The following PAMR1 variants were observed in gnomAD, a reference collection of about 807,000 sequenced individuals.
The protein encoded by PAMR1 is inactive serine protease PAMR1.
Under a neutral mutation model 81.8 loss-of-function variants are expected in PAMR1, and 88 were observed. The observed-to-expected ratio is 1.08, with a 90% CI of 0.91 to 1.28. The LOEUF is 1.28. Ranked by LOEUF, PAMR1 falls within the 50% of genes most tolerant of loss-of-function variation. The pLI is 0.00. For synonymous variants in PAMR1, 336 were observed against 345.3 expected (o/e 0.97, Z 0.30); for missense variants, 935 against 919.7 (o/e 1.02, Z -0.21).
intron 6 of PAMR1, chr11:35,452,017 G>C (rs1373507138): frequency 5.8e-6 from 3 of 514,276 alleles, no homozygotes; most frequent in Non-Finnish European, 1.0e-5. Context: ...GACTAAGACA[G>C]AAGGCAAGAC....
chr11:35,500,026 GAGGC>G (rs1850801509), intron 1 of PAMR1, among the ~76,000 whole-genome samples: 1 of 152,218 alleles, frequency 6.6e-6, no homozygotes, highest in Non-Finnish European at 1.5e-5. Context: ...ACAACCCAAG[GAGGC>G]AGGCAGGCAA....
chr11:35,529,750 A>G (rs1443723311), upstream of PAMR1, among the ~76,000 whole-genome samples: 2 of 152,242 alleles, frequency 1.3e-5, no homozygotes, highest in Non-Finnish European at 2.9e-5. Context: ...AATAAATCAC[A>G]AGAAAGGCTG....
At chr11:35,439,563 A>G in intron 8 of PAMR1, 64 bp downstream of exon 8, 5 of 1,292,640 alleles carry the variant, frequency 3.9e-6, no homozygotes, top group Non-Finnish European at 5.6e-6. Flanking sequence ...ACAAGTGGGG[A>G]AGGGGAATGG....
intron 1 of PAMR1, among the ~76,000 whole-genome samples, chr11:35,494,893 G>A (rs1414596805): frequency 6.6e-6 from 1 of 152,188 alleles, no homozygotes; most frequent in African/African-American, 2.4e-5. Flanking sequence ...TAGGTGGATT[G>A]ACAATAGAAC....
At chr11:35,508,021 T>C (rs1338674411) in intron 1 of PAMR1, among the ~76,000 whole-genome samples, 1 of 152,192 alleles carries the variant, frequency 6.6e-6, no homozygotes, top group East Asian at 1.9e-4. Context: ...GAATCACCAC[T>C]CTGATTTGGT....
At chr11:35,499,680 C>A (rs2676463) in intron 1 of PAMR1, among the ~76,000 whole-genome samples, 3 of 151,970 alleles carry the variant, frequency 2.0e-5, no homozygotes, top group African/African-American at 7.3e-5. Flanking sequence ...GCCCTCTTTA[C>A]TCCATTACTG....
At chr11:35,485,552 C>T (rs1052013794) in intron 3 of PAMR1, among the ~76,000 whole-genome samples, 2 of 152,142 alleles carry the variant, frequency 1.3e-5, no homozygotes, top group African/African-American at 4.8e-5. Context: ...AGCCTCAGGC[C>T]GTTTGCCCAT....
intron 3 of PAMR1, among the ~76,000 whole-genome samples, chr11:35,486,787 C>T (rs1309843446): frequency 6.6e-6 from 1 of 152,190 alleles, no homozygotes; most frequent in Non-Finnish European, 1.5e-5. Flanking sequence ...GCTGTATTGA[C>T]TTCTTGCATG....
At position 35,436,121 on chromosome 11, in the gene PAMR1, T is replaced by G; in HGVS notation, c.1115A>C (p.His372Pro). 6.2e-7 allele frequency: 1 copy of G among 1,613,036 alleles called. No homozygotes were observed. The highest frequency in any genetic ancestry group is 8.5e-7 in the Non-Finnish European group (1 of 1,179,088). Reference sequence around the variant, plus strand: ...GCTGAAGGCCGCTGAGTATAGCTGGTGTAATGGTGTCTCCCTGGGTCAGGA... The same window carrying G: ...GCTGAAGGCCGCTGAGTATAGCTGGGGTAATGGTGTCTCCCTGGGTCAGGA... ...MQVQSRETPL[H>P]QLYSAAFSKQ... Residue 372 changes from histidine to proline, a missense_variant, in exon 9 of 11, where the codon CAC (histidine) becomes CCC (proline). Physicochemically the swap from His to Pro is moderately conservative, Grantham distance 77. Transcript: ENST00000619888.
At chr11:35,445,876 T>C (rs569123792) in intron 6 of PAMR1, among the ~76,000 whole-genome samples, 1 of 152,342 alleles carries the variant, frequency 6.6e-6, no homozygotes, top group South Asian at 2.1e-4. Flanking sequence ...TCCCTCCTTT[T>C]CCATTGTTTT....
chr11:35,505,714 TG>T (rs1850936848), intron 1 of PAMR1, among the ~76,000 whole-genome samples: 1 of 152,164 alleles, frequency 6.6e-6, no homozygotes, highest in South Asian at 2.1e-4. Context: ...GAATTTCTTT[TG>T]CCATCCCTTC....
intron 4 of PAMR1, among the ~76,000 whole-genome samples, chr11:35,473,674 G>T (rs560619173): frequency 8.5e-5 from 13 of 152,162 alleles, no homozygotes; most frequent in Non-Finnish European, 1.9e-4. Context: ...TTCTAATTCA[G>T]GGTACCATGT....
At chr11:35,529,798 G>T (rs966053978), upstream of PAMR1, 6 of 152,206 alleles carry the variant, frequency 3.9e-5, no homozygotes, top group Non-Finnish European at 7.3e-5. Context: ...GGGAGATAGG[G>T]CATGATACCT....
chr11:35,444,038 A>G (rs1289562770), intron 6 of PAMR1, among the ~76,000 whole-genome samples: 1 of 152,216 alleles, frequency 6.6e-6, no homozygotes, highest in East Asian at 1.9e-4. Context: ...TATAGCCAAG[A>G]CAATCCTAAG....
rs532511255 is a variant in PAMR1 at position 35,452,061 on chromosome 11, C to T, written c.821-10368G>A. The T allele has an allele frequency of 8.9e-6, 4 of 448,834 alleles. No homozygotes were observed. The South Asian group carries it at 2.0e-4, about 23-fold the overall frequency. The allele number at this position is 448,834 out of a possible 1,614,324, so 27.8% of individuals were successfully genotyped here. A position where few individuals can be genotyped will look rare whatever the true frequency, so the allele number is the denominator to read the frequency against. ...AAGAGAAATACAGACAATAGAAACA[C>T]ATTTATAAAGAATACAGATAATGTT... On this transcript the variant is annotated intron_variant, in intron 6 of 10. Transcript: ENST00000619888.
In PAMR1 at chr11:35,523,837, C is replaced by A. The variant is rs575083961; in HGVS notation, c.73+1676G>T. 1.5e-3 allele frequency among the ~76,000 whole-genome samples: 230 copies of A among 152,302 alleles called. 1 individual carries two copies. The highest frequency in any genetic ancestry group is 5.5e-3 in the African/African-American group (228 of 41,558). ...CAGCAGTTTAGCTACCAACAAACTG[C>A]GTATCCTCTCTGAAGCTTTTTCACA... On this transcript the variant is annotated intron_variant, in intron 1 of 10. Coordinates refer to ENST00000619888, the MANE Select transcript of PAMR1 (RefSeq NM_001001991.3).
intron 3 of PAMR1, among the ~76,000 whole-genome samples, chr11:35,479,799 ACAG>A (rs1850351301): frequency 6.6e-6 from 1 of 152,212 alleles, no homozygotes; most frequent in Non-Finnish European, 1.5e-5. Context: ...AAGTTGTATG[ACAG>A]CAGAAAAGTT....
intron 3 of PAMR1, among the ~76,000 whole-genome samples, chr11:35,477,131 T>G (rs972512960): frequency 6.6e-6 from 1 of 152,164 alleles, no homozygotes; most frequent in African/African-American, 2.4e-5. Flanking sequence ...ATGGTCAATA[T>G]TATTACTCTG....
chr11:35,524,103 C>T (rs1436130777), intron 1 of PAMR1, among the ~76,000 whole-genome samples: 4 of 152,150 alleles, frequency 2.6e-5, no homozygotes, highest in Non-Finnish European at 5.9e-5. Flanking sequence ...CCACCGACAC[C>T]ATGCAAAGGC....
Sources: allele counts gnomAD v4.1 joint callset (sites outside exome capture counted in the v4.1 genomes callset), GRCh38; gene constraint gnomAD v4.1.1; transcripts MANE v1.5; gene names NCBI Gene and HGNC (gene_info 2026-07-23, HGNC 2026-07-21).